CCDC7: variants seen among roughly 807,000 people sequenced by gnomAD.
CCDC7 encodes coiled-coil domain containing 7, also known as coiled-coil domain-containing protein 7.
In CCDC7, 183 loss-of-function variants were observed where a neutral mutation model predicts 196.9. That is an observed-to-expected ratio of 0.93 (90% CI 0.82 to 1.05). The LOEUF (loss-of-function observed/expected upper bound fraction) is 1.05. Ranked by LOEUF, CCDC7 falls within the 50% of genes least tolerant of loss-of-function variation. The probability of loss-of-function intolerance (pLI) is 0.00; values close to 1 mark genes in which losing one functional copy is unlikely to be tolerated. For missense variants in CCDC7, 1,540 were observed against 1,482.2 expected, an observed-to-expected ratio of 1.04 and a Z score of -0.64; for synonymous variants, 525 against 484.6, an observed-to-expected ratio of 1.08 and a Z score of -1.10.
At chr10:32,828,485 G>GAAGAAGAA (rs1491309680) in intron 32 of CCDC7, among the ~76,000 whole-genome samples, 10 of 49,742 alleles carry the variant, frequency 2.0e-4, no homozygotes, top group East Asian at 1.5e-3. Flanking sequence ...AAGAGGAAGA[G>GAAGAAGAA]GAAGAAGAAG....
chr10:32,673,784 T>C (rs763617022), intron 21 of CCDC7, among the ~76,000 whole-genome samples: 1 of 151,920 alleles, frequency 6.6e-6, no homozygotes, highest in Non-Finnish European at 1.5e-5. Context: ...ATCAGTCTTA[T>C]TATTTACTAT....
At chr10:32,851,656 G>A in intron 39 of CCDC7, 151 bp from the exon 41 acceptor site, 2 of 657,122 alleles carry the variant, frequency 3.0e-6, no homozygotes, top group Non-Finnish European at 2.4e-6. Flanking sequence ...TTGAAATTTT[G>A]TTGCAGTCTA....
chr10:32,570,807 T>C (rs2057445738), intron 15 of CCDC7, among the ~76,000 whole-genome samples: 2 of 152,132 alleles, frequency 1.3e-5, no homozygotes, highest in African/African-American at 4.8e-5. Context: ...AAGAGAAAAT[T>C]AGTTTGTTGA....
chr10:32,867,873 G>GT (rs1196840587), intron 41 of CCDC7, among the ~76,000 whole-genome samples: 1 of 151,644 alleles, frequency 6.6e-6, no homozygotes, highest in East Asian at 1.9e-4. Flanking sequence ...CCTCCAGAAC[G>GT]TTTTTTATCT....
At chr10:32,575,453 G>A (rs866652360) in intron 16 of CCDC7, among the ~76,000 whole-genome samples, 3 of 152,206 alleles carry the variant, frequency 2.0e-5, no homozygotes, top group Middle Eastern at 3.4e-3. Context: ...TCATTATTCC[G>A]TAGAGAAATA....
intron 33 of CCDC7, among the ~76,000 whole-genome samples, chr10:32,838,329 G>T (rs1262953216): frequency 6.6e-6 from 1 of 152,018 alleles, no homozygotes; most frequent in African/African-American, 2.4e-5. Flanking sequence ...GACACACTTA[G>T]AGAAATGCTA....
chr10:32,743,613 A>T (rs1163873393), intron 28 of CCDC7, among the ~76,000 whole-genome samples: 5 of 152,150 alleles, frequency 3.3e-5, no homozygotes, highest in Admixed American at 6.5e-5. Flanking sequence ...TAGAAATACC[A>T]TTTGACCCAG....
intron 28 of CCDC7, among the ~76,000 whole-genome samples, chr10:32,753,079 A>G (rs1383323407): frequency 6.6e-6 from 1 of 152,178 alleles, no homozygotes; most frequent in Non-Finnish European, 1.5e-5. Context: ...TTACGTTTTT[A>G]GAGTAGATGT....
intron 30 of CCDC7, among the ~76,000 whole-genome samples, chr10:32,811,784 C>A (rs1565576558): frequency 6.6e-6 from 1 of 152,050 alleles, no homozygotes; most frequent in East Asian, 1.9e-4. Context: ...AAGTACAAGT[C>A]AATATCTCTG....
At position 32,719,269 on chromosome 10, in the gene CCDC7, C is replaced by T. The variant is rs190428082; in HGVS notation, c.2570-7465C>T. 5.9e-4 allele frequency among the ~76,000 whole-genome samples: 89 copies of T among 152,070 alleles called. 1 individual carries two copies. Among genetic ancestry groups the T allele is most frequent in the Admixed American group, 3.0e-3 (46 of 15,266 alleles). On this transcript the variant is annotated intron_variant, in intron 25 of 41. Transcript: ENST00000639629. Reference sequence around the variant, plus strand: ...TGACAAACCTGACAAAAACAAGCAACGGAGAAAGGATTCCCTATTTAATAA... The same window carrying T: ...TGACAAACCTGACAAAAACAAGCAATGGAGAAAGGATTCCCTATTTAATAA...
In CCDC7 at chr10:32,590,190, T is replaced by A. The variant is rs2990966; in HGVS notation, c.1801+5886T>A. Among the ~76,000 whole-genome samples the A allele has an allele frequency of 1.4e-3, 218 of 152,268 alleles. 1 individual carries two copies. The highest frequency in any genetic ancestry group is 4.6e-3 in the South Asian group (22 of 4,830). ...GTGAAGGTGATTTTCTCTGGTGGCA[T>A]GTAGTAATTACTTGCTTTTTATTTT... On this transcript the variant is annotated intron_variant, in intron 18 of 41. Transcript: ENST00000639629.
At chr10:32,608,272 A>T (rs1365939607) in intron 18 of CCDC7, among the ~76,000 whole-genome samples, 1 of 151,572 alleles carries the variant, frequency 6.6e-6, no homozygotes, top group Non-Finnish European at 1.5e-5. Flanking sequence ...TTTGTCCTTT[A>T]TACTGTTTTT....
intron 21 of CCDC7, among the ~76,000 whole-genome samples, chr10:32,672,791 T>C (rs1026441015): frequency 6.6e-6 from 1 of 152,168 alleles, no homozygotes; most frequent in Non-Finnish European, 1.5e-5. Context: ...ACTTGGACAT[T>C]GTGCTCCACT....
chr10:32,473,012 A>G (rs1053603975), intron 7 of CCDC7, among the ~76,000 whole-genome samples: 1 of 152,208 alleles, frequency 6.6e-6, no homozygotes, highest in Non-Finnish European at 1.5e-5. Context: ...AGTGAGTTTG[A>G]TATTTTAATA....
At chr10:32,784,372 C>T (rs1268350099) in intron 29 of CCDC7, among the ~76,000 whole-genome samples, 4 of 152,010 alleles carry the variant, frequency 2.6e-5, no homozygotes, top group African/African-American at 4.8e-5. Context: ...AATGCTGTAC[C>T]GCACACCCCA....
intron 8 of CCDC7, among the ~76,000 whole-genome samples, chr10:32,477,724 C>A (rs921956258): frequency 6.6e-6 from 1 of 152,128 alleles, no homozygotes; most frequent in Admixed American, 6.5e-5. Flanking sequence ...TTTGGCAGTG[C>A]TACATGTCTT....
intron 18 of CCDC7, among the ~76,000 whole-genome samples, chr10:32,606,552 C>G (rs906128788): frequency 5.3e-5 from 8 of 152,224 alleles, no homozygotes; most frequent in Non-Finnish European, 1.0e-4. Flanking sequence ...CAGAGCTGCC[C>G]AGGGTTTTGG....
At chr10:32,669,704 C>T (rs184698926) in intron 21 of CCDC7, among the ~76,000 whole-genome samples, 2 of 152,104 alleles carry the variant, frequency 1.3e-5, no homozygotes, top group East Asian at 3.9e-4. Context: ...TCTTTTGTAT[C>T]TCTGTGTCAT....
intron 20 of CCDC7, among the ~76,000 whole-genome samples, chr10:32,652,690 A>C (rs1006698306): frequency 6.6e-6 from 1 of 152,188 alleles, no homozygotes; most frequent in African/African-American, 2.4e-5. Context: ...AACTAAAAAA[A>C]ACTTTATACT....
Sources: gnomAD v4.1 joint callset for allele counts (sites outside exome capture counted in the v4.1 genomes callset) on GRCh38, gnomAD v4.1.1 for gene constraint, MANE v1.5 for transcripts, NCBI Gene and HGNC (gene_info 2026-07-23, HGNC 2026-07-21) for gene names.